ANKRD34A: variants seen among roughly 807,000 people sequenced by gnomAD.
The protein encoded by ANKRD34A is ankyrin repeat domain-containing protein 34A.
A neutral mutation model predicts 27.1 loss-of-function variants in ANKRD34A; 7 were observed. The observed-to-expected ratio is 0.26, with a 90% CI of 0.15 to 0.49. The LOEUF is 0.49. Among genes scored for constraint, ANKRD34A ranks in the 20% least tolerant of loss-of-function variants. ANKRD34A has a pLI of 0.99. For synonymous variants in ANKRD34A, 301 were observed against 300.8 expected (o/e 1.00, Z -0.01); for missense variants, 472 against 682.1 (o/e 0.69, Z 3.43).
Position 145,961,399 on chromosome 1 carries a change from G to A in ANKRD34A, c.361C>T (p.Arg121Cys), listed in dbSNP as rs782746038. Residue 121 changes from arginine to cysteine, a missense_variant, in exon 4 of 4, where the codon CGC becomes TGC. Arg to Cys is a radical substitution (Grantham distance 180). Coordinates refer to ENST00000606888, the MANE Select transcript of ANKRD34A (RefSeq NM_001039888.4). This position sits in a 1 kb window ranked among gnomAD's most constrained non-coding sequence, Gnocchi z 9.5. The part of the protein sequence containing the change: ...GASALVHALD[R>C]GDRETLATLL... The stretch of plus-strand genomic sequence containing the variant: ...GTGGCAAGGGTCTCGCGGTCCCCGC[G>A]GTCCAGGGCGTGGACAAGAGCCGAG... The A allele has an allele frequency of 1.2e-6, 2 of 1,613,394 alleles. No individual in the cohort carries two copies. Among genetic ancestry groups the A allele is most frequent in the Non-Finnish European group, 1.7e-6 (2 of 1,179,798 alleles).
chr1:145,960,950 G>C lies in ANKRD34A; in HGVS notation c.810C>G (p.Arg270=). Reference sequence around the variant, plus strand: ...TCAGGCCATTGAATTCGGCAGTCAAGCGCTCGATCCCCGGTCTCCCTTCAG... The same window carrying C: ...TCAGGCCATTGAATTCGGCAGTCAACCGCTCGATCCCCGGTCTCCCTTCAG... ...PPTEGRPGIE[R]LTAEFNGLTL... Residue 270 remains arginine (R), a synonymous_variant, in exon 4 of 4, where the codon CGC becomes CGG. Transcript: ENST00000606888. This position sits in a 1 kb window ranked among gnomAD's most constrained non-coding sequence, Gnocchi z 5.5. 6.2e-7 allele frequency: 1 copy of C among 1,614,218 alleles called. No individual in the cohort carries two copies. The highest frequency in any genetic ancestry group is 8.5e-7 in the Non-Finnish European group (1 of 1,180,030).
chr1:145,962,622 G>T lies in ANKRD34A; in HGVS notation c.-322C>A, dbSNP rs1188809217. 7.8e-6 allele frequency: 1 copy of T among 128,750 alleles called. No homozygotes were observed. The highest frequency in any genetic ancestry group is 3.5e-3 in the Middle Eastern group (1 of 282). 8.0% of individuals were successfully genotyped at this position (128,750 alleles called of 1,614,324 possible). On this transcript the variant is annotated 5_prime_UTR_variant, in exon 3 of 4. Coordinates refer to ENST00000606888, the MANE Select transcript of ANKRD34A (RefSeq NM_001039888.4). ...CCCGGGCACAGCGCCGGCTCGGGAG[G>T]AGAGAAGCTTGGCGGGGGGGGGGGG...
Position 145,960,779 on chromosome 1 carries a change from T to C in ANKRD34A, c.981A>G (p.Ser327=). 2.5e-6 allele frequency: 4 copies of C among 1,614,216 alleles called. No homozygotes were observed. The highest frequency in any genetic ancestry group is 3.4e-6 in the Non-Finnish European group (4 of 1,180,026). The change falls in exon 4 of 4, where the codon TCA becomes TCG. Residue 327 remains serine, a synonymous_variant. Coordinates refer to ENST00000606888, the MANE Select transcript of ANKRD34A (RefSeq NM_001039888.4). This position sits in a 1 kb window ranked among gnomAD's most constrained non-coding sequence, Gnocchi z 5.5. ...APEAQESGPP[S]GLRQKLSRME... ...TGCGGCTCAGTTTCTGCCTCAGCCC[T>C]GAAGGGGGACCAGACTCCTGAGCTT...
Position 145,961,728 on chromosome 1 carries a change from C to A in ANKRD34A, c.32G>T (p.Arg11Leu). 1 of 1,613,610 alleles carries A rather than the reference C, an allele frequency of 6.2e-7. No homozygotes were observed. ...GCGTAGCTTACCCTGACCCACCGCC[C>A]GAAGAAGAGCGTGGCCCTCGGTGTG... MLHTEGHALL[R>L]AVGQGKLRLA... The change falls in exon 4 of 4, where the codon CGG becomes CTG. Residue 11 changes from arginine (R) to leucine (L), a missense_variant. This residue lies in a region of ANKRD34A where 118 missense variants were observed against 253.6 expected (regional missense o/e 0.47). Transcript: ENST00000606888. The surrounding 1 kb of genome is among the most constrained non-coding windows in gnomAD (Gnocchi z 9.5).
At chr1:145,963,241 A>C (rs1247440973) in intron 2 of ANKRD34A, 69 bp downstream of exon 2, 1 of 152,356 alleles carries the variant, frequency 6.6e-6, no homozygotes, top group Non-Finnish European at 1.5e-5. Flanking sequence ...GGCAAGGGAC[A>C]TTCCAGGTGC....
chr1:145,960,078 T>C lies in ANKRD34A; in HGVS notation c.*191A>G. On this transcript the variant is annotated 3_prime_UTR_variant, in exon 4 of 4. Coordinates refer to ENST00000606888, the MANE Select transcript of ANKRD34A (RefSeq NM_001039888.4). This position sits in a 1 kb window ranked among gnomAD's most constrained non-coding sequence, Gnocchi z 5.5. ...TACATGTGTGTATATACCCAGTAAATAGAGTACTTATTCTTTCTTGCTAAT... is the reference window on the plus strand; with the variant it reads ...TACATGTGTGTATATACCCAGTAAACAGAGTACTTATTCTTTCTTGCTAAT... The C allele has an allele frequency of 1.6e-6, 1 of 607,110 alleles. No individual in the cohort carries two copies. The highest frequency in any genetic ancestry group is 2.7e-6 in the Non-Finnish European group (1 of 377,054). 37.6% of individuals were successfully genotyped at this position (607,110 alleles called of 1,614,324 possible).
chr1:145,964,467 G>A lies in ANKRD34A; in HGVS notation c.-1180C>T, dbSNP rs1649920359. 6.6e-6 allele frequency: 1 copy of A among 152,178 alleles called. No individual in the cohort carries two copies. The allele number at this position is 152,178 out of a possible 1,614,324, so 9.4% of individuals were successfully genotyped here. ...CACGTTCCCTCGGTGAACTCTCGCC[G>A]GCTAGTGGCTCCTTCATCTGGAGTG... is the stretch of plus-strand genomic sequence containing the variant. On this transcript the variant is annotated 5_prime_UTR_variant, in exon 1 of 4. Transcript: ENST00000606888.
chr1:145,960,971 T>A lies in ANKRD34A; in HGVS notation c.789A>T (p.Glu263Asp), dbSNP rs781895573. 1 of 1,614,172 alleles carries A rather than the reference T, an allele frequency of 6.2e-7. No individual in the cohort carries two copies. The highest frequency in any genetic ancestry group is 1.1e-5 in the South Asian group (1 of 91,082). ...TCAAGCGCTCGATCCCCGGTCTCCC[T>A]TCAGTGGGTGGGACTGGTTGAGGAG... ...VAPPQPVPPT[E>D]GRPGIERLTA... is the part of the protein sequence containing the mutation. The change falls in exon 4 of 4, where the codon GAA becomes GAT. Residue 263 changes from glutamate (E) to aspartate (D), a missense_variant. Coordinates refer to ENST00000606888, the MANE Select transcript of ANKRD34A (RefSeq NM_001039888.4). The surrounding 1 kb of genome is among the most constrained non-coding windows in gnomAD (Gnocchi z 5.5).
rs1649705621 is a variant in ANKRD34A, at chr1:145,960,675, C to T, written c.1085G>A (p.Arg362His). 1 of 1,603,766 alleles carries T rather than the reference C, an allele frequency of 6.2e-7. No homozygotes were observed. Reference sequence around the variant, plus strand: ...GGTCAACGGGGAGGCGCTGTATCGGCGGCGCTCCAGGGACAGGCGGCTGGA... The same window carrying T: ...GGTCAACGGGGAGGCGCTGTATCGGTGGCGCTCCAGGGACAGGCGGCTGGA... ...PESSRLSLER[R>H]RYSASPLTLP... Residue 362 changes from arginine to histidine, a missense_variant, in exon 4 of 4, where the codon CGC becomes CAC. By Grantham distance (29) the Arg-to-His change is conservative. Coordinates refer to ENST00000606888, the MANE Select transcript of ANKRD34A (RefSeq NM_001039888.4). This position sits in a 1 kb window ranked among gnomAD's most constrained non-coding sequence, Gnocchi z 5.5.
rs370137989 is a variant in ANKRD34A at position 145,960,254 on chromosome 1, C to T, written c.*15G>A. ...AGGTCCTAATCCCCACCCTCCTTGGCTCCTCTCACTCCTCTCAGCGCCCTG... is the reference window on the plus strand; with the variant it reads ...AGGTCCTAATCCCCACCCTCCTTGGTTCCTCTCACTCCTCTCAGCGCCCTG... On this transcript the variant is annotated 3_prime_UTR_variant, in exon 4 of 4. Transcript: ENST00000606888. The surrounding 1 kb of genome is among the most constrained non-coding windows in gnomAD (Gnocchi z 5.5). The T allele has an allele frequency of 3.3e-6, 5 of 1,505,276 alleles. No individual in the cohort carries two copies. Among genetic ancestry groups the T allele is most frequent in the African/African-American group, 2.8e-5 (2 of 71,432 alleles). The allele number at this position is 1,505,276 out of a possible 1,614,324, so 93.2% of individuals were successfully genotyped here. A position where few individuals can be genotyped will look rare whatever the true frequency, so the allele number is the denominator to read the frequency against.
chr1:145,960,301 T>C lies in ANKRD34A; in HGVS notation c.1459A>G (p.Ser487Gly), dbSNP rs1162250222. The change falls in exon 4 of 4, where the codon AGT (serine) becomes GGT (glycine). Residue 487 changes from serine to glycine, a missense_variant. Coordinates refer to ENST00000606888, the MANE Select transcript of ANKRD34A (RefSeq NM_001039888.4). The surrounding 1 kb of genome is among the most constrained non-coding windows in gnomAD (Gnocchi z 5.5). ...CCTGGCTCCCCAGGCCCACCTAGAC[T>C]CTGGAAGCCCCCCAGCAGGCGGATC... Reference protein sequence around the residue: ...EQIRLLGGFQSLGGPGEPGR With the variant: ...EQIRLLGGFQGLGGPGEPGR 6 of 1,577,460 alleles carry C rather than the reference T, an allele frequency of 3.8e-6. No individual in the cohort carries two copies. Among genetic ancestry groups the C allele is most frequent in the Non-Finnish European group, 5.2e-6 (6 of 1,159,918 alleles).
intron 1 of ANKRD34A, among the ~76,000 whole-genome samples, chr1:145,963,786 T>G (rs1163013898): frequency 3.3e-5 from 5 of 152,218 alleles, no homozygotes; most frequent in Non-Finnish European, 5.9e-5. Flanking sequence ...CTCACAACTT[T>G]ATAAGATAGG....
At position 145,961,910 on chromosome 1, in the gene ANKRD34A, G is replaced by T; in HGVS notation, c.-120-31C>A. The T allele has an allele frequency of 5.2e-6, 5 of 964,604 alleles. No homozygotes were observed. In the South Asian group the frequency reaches 8.7e-5, roughly 17 times the overall value. The allele number at this position is 964,604 out of a possible 1,614,324, so 59.8% of individuals were successfully genotyped here. A position where few individuals can be genotyped will look rare whatever the true frequency, so the allele number is the denominator to read the frequency against. ...AGAGAGACATCTCATTGATAGATTC[G>T]GCAGGAAAACTGAGGCACAGATGCA... On this transcript the variant is annotated intron_variant, in intron 3 of 3. Coordinates refer to ENST00000606888, the MANE Select transcript of ANKRD34A (RefSeq NM_001039888.4). The surrounding 1 kb of genome is among the most constrained non-coding windows in gnomAD (Gnocchi z 9.5).
In ANKRD34A at chr1:145,962,817, TAA is replaced by T. The variant is rs1649851627; in HGVS notation, c.-519_-518del. On this transcript the variant is annotated 5_prime_UTR_variant, in exon 3 of 4. The change abolishes the stop of an existing upstream ORF in the 5' untranslated region. Coordinates refer to ENST00000606888, the MANE Select transcript of ANKRD34A (RefSeq NM_001039888.4). ...GACCTCCCCTCAGCCCCAACAAACC[TAA>T]GTGTTCCTTAGGGGACTCCTCCGCG... 1 of 152,356 alleles carries T rather than the reference TAA, an allele frequency of 6.6e-6. No homozygotes were observed. The highest frequency in any genetic ancestry group is 1.5e-5 in the Non-Finnish European group (1 of 68,180). The allele number at this position is 152,356 out of a possible 1,614,324, so 9.4% of individuals were successfully genotyped here. A position where few individuals can be genotyped will look rare whatever the true frequency, so the allele number is the denominator to read the frequency against.
Position 145,960,521 on chromosome 1 carries a change from G to A in ANKRD34A, c.1239C>T (p.Leu413=). 1.3e-6 allele frequency: 2 copies of A among 1,594,374 alleles called. No individual in the cohort carries two copies. The highest frequency in any genetic ancestry group is 1.7e-6 in the Non-Finnish European group (2 of 1,170,834). ...LLERRGSGTL[L]LDHISQTRPG... Reference sequence around the variant, plus strand: ...GCCGCGTTTGCGAGATGTGGTCCAGGAGCAACGTCCCCGAGCCCCTCCGCT... The same window carrying A: ...GCCGCGTTTGCGAGATGTGGTCCAGAAGCAACGTCCCCGAGCCCCTCCGCT... The change falls in exon 4 of 4, where the codon CTC becomes CTT. Residue 413 remains leucine (L), a synonymous_variant. Transcript: ENST00000606888. The surrounding 1 kb of genome is among the most constrained non-coding windows in gnomAD (Gnocchi z 5.5).
In ANKRD34A at chr1:145,960,977, G is replaced by A. The variant is rs373389554; in HGVS notation, c.783C>T (p.Pro261=). 6.2e-7 allele frequency: 1 copy of A among 1,614,188 alleles called. No individual in the cohort carries two copies. Among genetic ancestry groups the A allele is most frequent in the Non-Finnish European group, 8.5e-7 (1 of 1,180,012 alleles). Residue 261 remains proline (P), a synonymous_variant, in exon 4 of 4, where the codon CCC becomes CCT. Coordinates refer to ENST00000606888, the MANE Select transcript of ANKRD34A (RefSeq NM_001039888.4). This position sits in a 1 kb window ranked among gnomAD's most constrained non-coding sequence, Gnocchi z 5.5. ...GCTCGATCCCCGGTCTCCCTTCAGT[G>A]GGTGGGACTGGTTGAGGAGGGGCCA... The part of the protein sequence containing the change: ...GLVAPPQPVP[P]TEGRPGIERL...
In ANKRD34A at chr1:145,960,763, G is replaced by A. The variant is rs782132601; in HGVS notation, c.997C>T (p.Leu333=). The A allele has an allele frequency of 2.5e-6, 4 of 1,614,274 alleles. No homozygotes were observed. Among genetic ancestry groups the A allele is most frequent in the Non-Finnish European group, 3.4e-6 (4 of 1,180,054 alleles). The change falls in exon 4 of 4, where the codon CTG becomes TTG. Residue 333 remains leucine (L), a synonymous_variant. Transcript: ENST00000606888. The surrounding 1 kb of genome is among the most constrained non-coding windows in gnomAD (Gnocchi z 5.5). ...AGCTCCACTGGCTCCATGCGGCTCA[G>A]TTTCTGCCTCAGCCCTGAAGGGGGA... ...SGPPSGLRQK[L]SRMEPVELDT... is the part of the protein sequence containing the mutation.
At position 145,961,457 on chromosome 1, in the gene ANKRD34A, G is replaced by A. The variant is rs1173022118; in HGVS notation, c.303C>T (p.Gly101=). 1 of 1,596,390 alleles carries A rather than the reference G, an allele frequency of 6.3e-7. No homozygotes were observed. Among genetic ancestry groups the A allele is most frequent in the African/African-American group, 1.3e-5 (1 of 74,412 alleles). Residue 101 remains glycine, a synonymous_variant, in exon 4 of 4, where the codon GGC becomes GGT. Coordinates refer to ENST00000606888, the MANE Select transcript of ANKRD34A (RefSeq NM_001039888.4). This position sits in a 1 kb window ranked among gnomAD's most constrained non-coding sequence, Gnocchi z 9.5. ...CGTGATCTCGGACTGAGGGGTCTGC[G>A]CCGTGGGCAAGGAGCAGCGAGGCCA... ...AAVASLLLAH[G]ADPSVRDHAG... is the part of the protein sequence containing the mutation.
chr1:145,960,509 G>A lies in ANKRD34A; in HGVS notation c.1251C>T (p.Ile417=), dbSNP rs587641699. ...GTAGGAAACCCGGCCGCGTTTGCGA[G>A]ATGTGGTCCAGGAGCAACGTCCCCG... ...RGSGTLLLDH[I]SQTRPGFLPP... The change falls in exon 4 of 4, where the codon ATC becomes ATT. Residue 417 remains isoleucine (I), a synonymous_variant. Coordinates refer to ENST00000606888, the MANE Select transcript of ANKRD34A (RefSeq NM_001039888.4). This position sits in a 1 kb window ranked among gnomAD's most constrained non-coding sequence, Gnocchi z 5.5. 1 of 1,599,636 alleles carries A rather than the reference G, an allele frequency of 6.3e-7. No homozygotes were observed. Among genetic ancestry groups the A allele is most frequent in the Non-Finnish European group, 8.5e-7 (1 of 1,173,312 alleles).
Sources: gnomAD v4.1 joint callset for allele counts (sites outside exome capture counted in the v4.1 genomes callset) on GRCh38, gnomAD v4.1.1 for gene constraint, gnomAD v4.1.1 regional missense constraint, Gnocchi (gnomAD v3.1) non-coding constraint, MANE v1.5 for transcripts, NCBI Gene and HGNC (gene_info 2026-07-23, HGNC 2026-07-21) for gene names.